The following RSRC1 variants were observed in gnomAD, a reference collection of about 807,000 sequenced individuals.
RSRC1 encodes arginine and serine rich coiled-coil 1.
Under a neutral mutation model 49.1 loss-of-function variants are expected in RSRC1, and 39 were observed. The observed-to-expected ratio is 0.79, with a 90% confidence interval of 0.61 to 1.04. The LOEUF (loss-of-function observed/expected upper bound fraction) is 1.04, where lower values mean the gene tolerates loss of function less well. RSRC1 is among the 50% of genes least tolerant of loss of function. The pLI, the probability that RSRC1 is intolerant of heterozygous loss-of-function variation, is 0.00. For missense variants in RSRC1, 388 were observed against 402.4 expected, an observed-to-expected ratio of 0.96 and a Z score of 0.31; for synonymous variants, 143 against 130.8, an observed-to-expected ratio of 1.09 and a Z score of -0.63.
chr3:158,466,785 G>A (rs1465508790), intron 7 of RSRC1, among the ~76,000 whole-genome samples: 1 of 152,178 alleles, frequency 6.6e-6, no homozygotes, highest in Non-Finnish European at 1.5e-5. Flanking sequence ...CTTCAGGCCG[G>A]GCATGATGGC....
chr3:158,135,351 C>T (rs566825695), intron 3 of RSRC1, among the ~76,000 whole-genome samples: 1 of 150,786 alleles, frequency 6.6e-6, no homozygotes, highest in East Asian at 1.9e-4. Flanking sequence ...CTCACTACAA[C>T]CTTCATCTCC....
At chr3:158,538,574 T>C (rs1712853165) in intron 8 of RSRC1, among the ~76,000 whole-genome samples, 1 of 151,970 alleles carries the variant, frequency 6.6e-6, no homozygotes. Context: ...ACTAGCATTT[T>C]CATTCTGTAG....
At chr3:158,462,826 T>A (rs1488799043) in intron 7 of RSRC1, among the ~76,000 whole-genome samples, 4 of 152,024 alleles carry the variant, frequency 2.6e-5, no homozygotes, top group Non-Finnish European at 4.4e-5. Context: ...ACTGACCTTA[T>A]ACGTAGTCTG....
chr3:158,243,194 A>G (rs1279802833), intron 4 of RSRC1, among the ~76,000 whole-genome samples: 2 of 152,154 alleles, frequency 1.3e-5, no homozygotes, highest in African/African-American at 4.8e-5. Flanking sequence ...TTTACATTTA[A>G]GTCTTTAATC....
chr3:158,291,299 C>T (rs1341510738), intron 4 of RSRC1, among the ~76,000 whole-genome samples: 4 of 152,092 alleles, frequency 2.6e-5, no homozygotes. Context: ...CTTTTATTTA[C>T]CAAGGACTTG....
At chr3:158,371,742 G>T (rs1043167533) in intron 6 of RSRC1, among the ~76,000 whole-genome samples, 1 of 151,866 alleles carries the variant, frequency 6.6e-6, no homozygotes, top group South Asian at 2.1e-4. Flanking sequence ...AGGATTGCTG[G>T]CATAATAACT....
At position 158,127,809 on chromosome 3, in the gene RSRC1, T is replaced by C. The variant is rs899378997; in HGVS notation, c.320+3818T>C. 3.5e-5 allele frequency among the ~76,000 whole-genome samples: 5 copies of C among 143,308 alleles called. No homozygotes were observed. The South Asian group carries it at 9.4e-4, about 27-fold the overall frequency. 94.0% of individuals were successfully genotyped at this position (143,308 alleles called of 152,430 possible). The stretch of plus-strand genomic sequence containing the variant: ...TTTTTATGCAATTTTAAAAAACAGC[T>C]GCCTTTCCTAGTCTTTATGGACTGG... On this transcript the variant is annotated intron_variant, in intron 3 of 9. Coordinates refer to ENST00000611884, the MANE Select transcript of RSRC1 (RefSeq NM_001271838.2).
chr3:158,211,916 T>G (rs912890701), intron 4 of RSRC1, among the ~76,000 whole-genome samples: 5 of 151,920 alleles, frequency 3.3e-5, no homozygotes, highest in Non-Finnish European at 5.9e-5. Flanking sequence ...CTTTTGTGTC[T>G]TTTTAAAGGT....
At chr3:158,206,289 A>T (rs1489499850) in intron 4 of RSRC1, among the ~76,000 whole-genome samples, 1 of 152,116 alleles carries the variant, frequency 6.6e-6, no homozygotes, top group African/African-American at 2.4e-5. Context: ...GTTGATCTTA[A>T]CTAGTCTCTG....
chr3:158,493,547 A>G (rs771764446), intron 7 of RSRC1, among the ~76,000 whole-genome samples: 3 of 152,212 alleles, frequency 2.0e-5, no homozygotes, highest in Non-Finnish European at 4.4e-5. Context: ...CTGTTAAAAA[A>G]CAAAATTAGT....
At chr3:158,329,431 CTGTTTG>C (rs1729401080) in intron 5 of RSRC1, among the ~76,000 whole-genome samples, 1 of 152,238 alleles carries the variant, frequency 6.6e-6, no homozygotes, top group Admixed American at 6.5e-5. Context: ...GATGTCCTTT[CTGTTTG>C]TTAGTTTTTC....
intron 6 of RSRC1, among the ~76,000 whole-genome samples, chr3:158,440,283 T>C (rs1022916723): frequency 6.6e-6 from 1 of 152,008 alleles, no homozygotes; most frequent in African/African-American, 2.4e-5. Flanking sequence ...TCGTAGGTCA[T>C]GCTAAGGAAA....
intron 4 of RSRC1, among the ~76,000 whole-genome samples, chr3:158,220,798 C>T (rs1482742068): frequency 1.3e-5 from 2 of 151,516 alleles, no homozygotes; most frequent in African/African-American, 2.4e-5. Context: ...AATCTTTTTA[C>T]TGGCTTTAAA....
intron 6 of RSRC1, among the ~76,000 whole-genome samples, chr3:158,421,440 A>ACCAT (rs1735043296): frequency 6.6e-6 from 1 of 151,932 alleles, no homozygotes; most frequent in Non-Finnish European, 1.5e-5. Context: ...TGAGGTTATC[A>ACCAT]CAAAACTAAT....
chr3:158,449,261 A>C (rs1462376121), intron 6 of RSRC1, among the ~76,000 whole-genome samples: 2 of 151,946 alleles, frequency 1.3e-5, no homozygotes, highest in Non-Finnish European at 2.9e-5. Flanking sequence ...TTAATAATGA[A>C]ATATCTTTAT....
intron 3 of RSRC1, among the ~76,000 whole-genome samples, chr3:158,187,212 C>T (rs1481719460): frequency 6.6e-6 from 1 of 151,950 alleles, no homozygotes; most frequent in Non-Finnish European, 1.5e-5. Flanking sequence ...ATGATTACAA[C>T]AGCTATTTGT....
chr3:158,463,577 A>G (rs1014370121), intron 7 of RSRC1, among the ~76,000 whole-genome samples: 2 of 152,100 alleles, frequency 1.3e-5, no homozygotes, highest in African/African-American at 4.8e-5. Context: ...AGTTGAAAGC[A>G]TTGCGAAAAT....
intron 7 of RSRC1, among the ~76,000 whole-genome samples, chr3:158,528,930 GT>G (rs776593013): frequency 5.3e-5 from 8 of 151,786 alleles, no homozygotes; most frequent in Admixed American, 2.6e-4. Context: ...AACCATTCTT[GT>G]TTTTTGTAAC....
intron 4 of RSRC1, among the ~76,000 whole-genome samples, chr3:158,285,985 T>C (rs547243388): frequency 2.6e-5 from 4 of 152,318 alleles, no homozygotes; most frequent in Admixed American, 2.6e-4. Context: ...AAATGGCATT[T>C]CCTTTTATTT....
Sources: gnomAD v4.1 joint callset for allele counts (sites outside exome capture counted in the v4.1 genomes callset) on GRCh38, gnomAD v4.1.1 for gene constraint, MANE v1.5 for transcripts, NCBI Gene and HGNC (gene_info 2026-07-23, HGNC 2026-07-21) for gene names.